NRG1: variants seen among roughly 807,000 people sequenced by gnomAD.
The protein encoded by NRG1 is pro-neuregulin-1, membrane-bound isoform.
Under a neutral mutation model 63.8 loss-of-function variants are expected in NRG1, and 18 were observed. That is an observed-to-expected ratio of 0.28 (90% CI 0.19 to 0.42). NRG1 has a LOEUF of 0.42. Among genes scored for constraint, NRG1 ranks in the 10% least tolerant of loss-of-function variants. The pLI is 1.00. For synonymous variants in NRG1, 302 were observed against 301.3 expected (o/e 1.00, Z -0.02); for missense variants, 762 against 814.7 (o/e 0.94, Z 0.79).
At chr8:31,785,188 A>G (rs571629165) in intron 1 of NRG1, among the ~76,000 whole-genome samples, 53 of 152,308 alleles carry the variant, frequency 3.5e-4, no homozygotes, top group Non-Finnish European at 6.8e-4. Context: ...AGGCCAGTCA[A>G]CACACAATGG....
intron 1 of NRG1, among the ~76,000 whole-genome samples, chr8:31,722,255 G>T (rs764746556): frequency 6.6e-6 from 1 of 151,974 alleles, no homozygotes; most frequent in African/African-American, 2.4e-5. Flanking sequence ...TTCCATGTGC[G>T]CTTACTTTAC....
intron 3 of NRG1, among the ~76,000 whole-genome samples, chr8:32,612,131 T>C (rs1236512177): frequency 6.6e-6 from 1 of 152,118 alleles, no homozygotes; most frequent in Non-Finnish European, 1.5e-5. Context: ...GGCTGTCCTT[T>C]ATAAATTAAC....
At chr8:31,658,965 C>G (rs1014643902) in intron 1 of NRG1, among the ~76,000 whole-genome samples, 1 of 152,214 alleles carries the variant, frequency 6.6e-6, no homozygotes, top group African/African-American at 2.4e-5. Flanking sequence ...TGACAGGGTG[C>G]TGCTCCAGCT....
At chr8:31,850,263 G>T (rs1050851511) in intron 1 of NRG1, among the ~76,000 whole-genome samples, 2 of 152,108 alleles carry the variant, frequency 1.3e-5, no homozygotes, top group Non-Finnish European at 2.9e-5. Flanking sequence ...TTGTCAGAAG[G>T]CATAATCTGA....
At chr8:32,509,249 C>G (rs368810268) in intron 1 of NRG1, among the ~76,000 whole-genome samples, 1 of 151,858 alleles carries the variant, frequency 6.6e-6, no homozygotes, top group African/African-American at 2.4e-5. Flanking sequence ...ACCACCATCA[C>G]ACCCAGCTAA....
intron 1 of NRG1, among the ~76,000 whole-genome samples, chr8:31,855,938 G>A (rs1176127431): frequency 6.6e-6 from 1 of 151,588 alleles, no homozygotes; most frequent in Non-Finnish European, 1.5e-5. Flanking sequence ...TTGAATATTG[G>A]CCCCCACTCT....
intron 1 of NRG1, among the ~76,000 whole-genome samples, chr8:31,856,159 T>G (rs1283978929): frequency 6.6e-6 from 1 of 152,176 alleles, no homozygotes; most frequent in Non-Finnish European, 1.5e-5. Flanking sequence ...AATGTTGGCC[T>G]GCCTTGCTAG....
chr8:32,345,568 G>T (rs576360413), intron 1 of NRG1, among the ~76,000 whole-genome samples: 2 of 152,296 alleles, frequency 1.3e-5, no homozygotes, highest in East Asian at 3.9e-4. Context: ...GCTTTCTCAA[G>T]TAAGTACAGC....
chr8:32,419,929 C>A (rs1036049783), intron 1 of NRG1, among the ~76,000 whole-genome samples: 1 of 152,122 alleles, frequency 6.6e-6, no homozygotes, highest in Non-Finnish European at 1.5e-5. Flanking sequence ...TTATATTGCG[C>A]GTCTTCTATT....
chr8:32,358,426 G>A (rs1309335998), intron 1 of NRG1, among the ~76,000 whole-genome samples: 2 of 150,948 alleles, frequency 1.3e-5, no homozygotes, highest in Non-Finnish European at 2.9e-5. Context: ...TTATGATAGG[G>A]AGAGGTCAGA....
intron 1 of NRG1, among the ~76,000 whole-genome samples, chr8:32,189,979 C>T (rs1436643278): frequency 6.6e-6 from 1 of 152,074 alleles, no homozygotes; most frequent in Non-Finnish European, 1.5e-5. Context: ...TCTCCTACAC[C>T]TTTGTCTTTG....
rs147287067 is a variant in NRG1 at position 32,098,212 on chromosome 8, G to C, written c.37+458781G>C. Reference sequence around the variant, plus strand: ...AAGAGAAGAAAGAAGAACTTCCATTGCATTTGGCAATGGAGGTCACATTTG... The same window carrying C: ...AAGAGAAGAAAGAAGAACTTCCATTCCATTTGGCAATGGAGGTCACATTTG... On this transcript the variant is annotated intron_variant, in intron 1 of 10. Transcript: ENST00000519301. Among the ~76,000 whole-genome samples, 481 of 152,288 alleles carry C rather than the reference G, an allele frequency of 3.2e-3. 1 individual carries two copies. Among genetic ancestry groups the C allele is most frequent in the African/African-American group, 0.011 (464 of 41,562 alleles).
At chr8:31,904,475 G>A (rs553656270) in intron 1 of NRG1, among the ~76,000 whole-genome samples, 4 of 152,300 alleles carry the variant, frequency 2.6e-5, no homozygotes, top group African/African-American at 7.2e-5. Context: ...ACTGTGGAAA[G>A]CAGTTAGTCA....
chr8:31,990,428 G>A (rs1245276168), intron 1 of NRG1, among the ~76,000 whole-genome samples: 1 of 152,064 alleles, frequency 6.6e-6, no homozygotes, highest in Non-Finnish European at 1.5e-5. Flanking sequence ...AGACAGGACT[G>A]AGATAAATTA....
intron 1 of NRG1, among the ~76,000 whole-genome samples, chr8:31,859,936 T>A (rs573747636): frequency 4.1e-4 from 63 of 152,324 alleles, no homozygotes; most frequent in African/African-American, 1.3e-3. Context: ...TGCTTAGTTT[T>A]TTTTCCCAGC....
intron 5 of NRG1, among the ~76,000 whole-genome samples, chr8:32,712,649 TC>T (rs1244911292): frequency 1.3e-5 from 2 of 152,174 alleles, no homozygotes; most frequent in Non-Finnish European, 2.9e-5. Context: ...CCTTATTAAG[TC>T]ATAGAGTTTA....
chr8:32,179,187 T>TAAAAA lies in NRG1; in HGVS notation c.38-416619_38-416615dup, dbSNP rs35411561. Among the ~76,000 whole-genome samples the TAAAAA allele has an allele frequency of 1.8e-4, 12 of 66,496 alleles. 1 individual carries two copies. Among genetic ancestry groups the TAAAAA allele is most frequent in the African/African-American group, 7.2e-4 (11 of 15,320 alleles). 43.6% of individuals were successfully genotyped at this position (66,496 alleles called of 152,430 possible). Reference sequence around the variant, plus strand: ...CCTTCTTCCCAACGTCTCACAGTCATAAAAAAAAAAAAAAAAAAAAAAAAA... The same window carrying TAAAAA: ...CCTTCTTCCCAACGTCTCACAGTCATAAAAAAAAAAAAAAAAAAAAAAAAAAAAAA... On this transcript the variant is annotated intron_variant, in intron 1 of 10. Coordinates refer to the NRG1 transcript ENST00000519301.
intron 1 of NRG1, among the ~76,000 whole-genome samples, chr8:32,299,172 G>A (rs1326162167): frequency 1.3e-5 from 2 of 151,842 alleles, no homozygotes; most frequent in African/African-American, 4.8e-5. Flanking sequence ...ATACAAACTA[G>A]TCTTCCATGG....
At chr8:31,871,466 TA>T (rs1829479574) in intron 1 of NRG1, among the ~76,000 whole-genome samples, 1 of 152,054 alleles carries the variant, frequency 6.6e-6, no homozygotes, top group African/African-American at 2.4e-5. Context: ...GGGAGCCATT[TA>T]TATTGCATTA....
Sources: allele counts gnomAD v4.1 joint callset (sites outside exome capture counted in the v4.1 genomes callset), GRCh38; gene constraint gnomAD v4.1.1; transcripts MANE v1.5; gene names NCBI Gene and HGNC (gene_info 2026-07-23, HGNC 2026-07-21).